NETO2: variants seen among roughly 807,000 people sequenced by gnomAD.
NETO2 encodes neuropilin and tolloid like 2, also known as neuropilin and tolloid-like protein 2.
A neutral mutation model predicts 62.5 loss-of-function variants in NETO2; 28 were observed. The observed-to-expected ratio is 0.45, with a 90% CI of 0.33 to 0.61. The LOEUF (loss-of-function observed/expected upper bound fraction) is 0.61. NETO2 is among the 20% of genes least tolerant of loss of function. The pLI is 0.02. For missense variants in NETO2, 548 were observed against 643.2 expected (o/e 0.85, Z 1.60); for synonymous variants, 214 against 219.1 (o/e 0.98, Z 0.21).
At chr16:47,104,876 C>G (rs150168023) in intron 7 of NETO2, among the ~76,000 whole-genome samples, 3 of 151,838 alleles carry the variant, frequency 2.0e-5, no homozygotes, top group Admixed American at 6.6e-5. Context: ...TGTGCCACCA[C>G]GCCTGGCTAA....
Position 47,128,438 on chromosome 16 carries a change from C to A in NETO2, c.368G>T (p.Gly123Val). 1.9e-6 allele frequency: 3 copies of A among 1,614,046 alleles called. No homozygotes were observed. Among genetic ancestry groups the A allele is most frequent in the Non-Finnish European group, 2.5e-6 (3 of 1,179,980 alleles). Reference protein sequence around the residue: ...GFSPLIDRYCGVKSPPLIRST... With the variant: ...GFSPLIDRYCVVKSPPLIRST... ...TCTAATTAATGGAGGGCTTTTCACGCCACAGTAACGATCTATAAGAGGAGA... is the reference window on the plus strand; with the variant it reads ...TCTAATTAATGGAGGGCTTTTCACGACACAGTAACGATCTATAAGAGGAGA... The change falls in exon 4 of 9, where the codon GGC becomes GTC. Residue 123 changes from glycine (G) to valine (V), a missense_variant. Transcript: ENST00000562435.
intron 7 of NETO2, among the ~76,000 whole-genome samples, chr16:47,100,016 A>C (rs1404176540): frequency 6.6e-6 from 1 of 152,240 alleles, no homozygotes; most frequent in Non-Finnish European, 1.5e-5. Context: ...CATTCTTCTC[A>C]GCACCACATA....
At chr16:47,131,538 T>C (rs1964266401) in intron 2 of NETO2, among the ~76,000 whole-genome samples, 1 of 152,096 alleles carries the variant, frequency 6.6e-6, no homozygotes, top group Non-Finnish European at 1.5e-5. Flanking sequence ...AATTCAGACA[T>C]AAAAATCTGG....
In NETO2 at chr16:47,128,514, A is replaced by G; in HGVS notation, c.292T>C (p.Phe98Leu). Residue 98 changes from phenylalanine (F) to leucine (L), a missense_variant, in exon 4 of 9, where the codon TTT becomes CTT. Physicochemically the swap from Phe to Leu is conservative, Grantham distance 22 (BLOSUM62 0). Transcript: ENST00000562435. ...FDEHYYIEPS[F>L]ECRFDHLEVR... ...TCCAAGTGATCAAACCGACACTCAAATGATGGTTCTATATAATAATGTTCA... is the reference window on the plus strand; with the variant it reads ...TCCAAGTGATCAAACCGACACTCAAGTGATGGTTCTATATAATAATGTTCA... The G allele has an allele frequency of 2.5e-6, 4 of 1,613,930 alleles. No homozygotes were observed. Among genetic ancestry groups the G allele is most frequent in the Non-Finnish European group, 3.4e-6 (4 of 1,179,930 alleles).
chr16:47,117,954 T>C (rs943109258), intron 6 of NETO2, among the ~76,000 whole-genome samples: 3 of 152,136 alleles, frequency 2.0e-5, no homozygotes, highest in Admixed American at 2.0e-4. Flanking sequence ...AAAAAAAGAT[T>C]TTTGGATAGT....
intron 7 of NETO2, among the ~76,000 whole-genome samples, chr16:47,103,787 A>G (rs2143872069): frequency 6.6e-6 from 1 of 152,328 alleles, no homozygotes; most frequent in African/African-American, 2.4e-5. Context: ...AAACTACATG[A>G]TGAACTCAAT....
chr16:47,119,046 G>T, intron 6 of NETO2, among the ~76,000 whole-genome samples: 1 of 150,674 alleles, frequency 6.6e-6, no homozygotes, highest in African/African-American at 2.4e-5. Flanking sequence ...TTCCTTTTTT[G>T]TTTGGCAGAT....
At chr16:47,110,446 A>G (rs1382003463) in intron 6 of NETO2, among the ~76,000 whole-genome samples, 1 of 152,238 alleles carries the variant, frequency 6.6e-6, no homozygotes, top group Non-Finnish European at 1.5e-5. Flanking sequence ...GATTTTAAGC[A>G]TTAATCTCCA....
chr16:47,116,688 G>A (rs1451795013), intron 6 of NETO2, among the ~76,000 whole-genome samples: 2 of 152,072 alleles, frequency 1.3e-5, no homozygotes, highest in African/African-American at 4.8e-5. Context: ...CTAAAGAATT[G>A]GCATTATATC....
At chr16:47,111,531 A>G (rs1166323338) in intron 6 of NETO2, among the ~76,000 whole-genome samples, 1 of 152,176 alleles carries the variant, frequency 6.6e-6, no homozygotes, top group East Asian at 1.9e-4. Flanking sequence ...GGCATAAACT[A>G]CTTTTCTTTT....
Position 47,078,263 on chromosome 16 carries a change from C to A in NETO2, c.*4958G>T, listed in dbSNP as rs1963011136. 6.6e-6 allele frequency: 1 copy of A among 152,202 alleles called. No homozygotes were observed. Among genetic ancestry groups the A allele is most frequent in the Admixed American group, 6.5e-5 (1 of 15,286 alleles). 9.4% of individuals were successfully genotyped at this position (152,202 alleles called of 1,614,324 possible). ...TACAGATTCTGTTGGTATAAGTGAT[C>A]TAAATTATTTGCCACTTCTAGACTT... On this transcript the variant is annotated 3_prime_UTR_variant, in exon 9 of 9. Coordinates refer to ENST00000562435, the MANE Select transcript of NETO2 (RefSeq NM_018092.5).
intron 7 of NETO2, among the ~76,000 whole-genome samples, chr16:47,088,135 C>T (rs886174071): frequency 1.3e-5 from 2 of 152,018 alleles, no homozygotes; most frequent in African/African-American, 2.4e-5. Flanking sequence ...GATGGAGTCT[C>T]GCTCTGTTGC....
rs1963105889 is a variant in NETO2, at chr16:47,083,225, A to G, written c.1574T>C (p.Phe525Ser). ...CACATCACCATTAGCAGAAGATTAG[A>G]AGTCAATGGATATGGATGCTTGTGC... is the stretch of plus-strand genomic sequence containing the variant. ...DSAQASISID[F>S] Residue 525 changes from phenylalanine (F) to serine (S), a missense_variant, in exon 9 of 9, where the codon TTC (phenylalanine) becomes TCC (serine). By Grantham distance (155) the Phe-to-Ser change is radical. Coordinates refer to ENST00000562435, the MANE Select transcript of NETO2 (RefSeq NM_018092.5). 6.2e-7 allele frequency: 1 copy of G among 1,605,796 alleles called. No homozygotes were observed. The highest frequency in any genetic ancestry group is 8.5e-7 in the Non-Finnish European group (1 of 1,175,116).
chr16:47,094,760 C>T (rs1415373416), intron 7 of NETO2, among the ~76,000 whole-genome samples: 2 of 152,024 alleles, frequency 1.3e-5, no homozygotes, highest in East Asian at 1.9e-4. Context: ...GCTCTGTCAC[C>T]CAGGCTGGAG....
At chr16:47,102,732 C>T (rs1258067515) in intron 7 of NETO2, among the ~76,000 whole-genome samples, 1 of 151,976 alleles carries the variant, frequency 6.6e-6, no homozygotes, top group Non-Finnish European at 1.5e-5. Context: ...CAAATCAAAA[C>T]CACAATGAGC....
At chr16:47,126,684 C>T (rs765973439) in intron 4 of NETO2, among the ~76,000 whole-genome samples, 5 of 152,168 alleles carry the variant, frequency 3.3e-5, no homozygotes, top group South Asian at 2.1e-4. Context: ...GCACCACTCT[C>T]GTGCAAGATG....
chr16:47,115,019 A>G (rs1329624010), intron 6 of NETO2, among the ~76,000 whole-genome samples: 2 of 151,998 alleles, frequency 1.3e-5, no homozygotes, highest in African/African-American at 4.8e-5. Flanking sequence ...TCTCCACTCA[A>G]TTTCCTTTGA....
At chr16:47,117,634 TCATA>T (rs1419718066) in intron 6 of NETO2, among the ~76,000 whole-genome samples, 3 of 152,208 alleles carry the variant, frequency 2.0e-5, no homozygotes, top group Non-Finnish European at 4.4e-5. Context: ...CCTATTGAGC[TCATA>T]CAGTGATTAT....
chr16:47,100,594 G>A (rs1384027753), intron 7 of NETO2, among the ~76,000 whole-genome samples: 2 of 151,900 alleles, frequency 1.3e-5, no homozygotes, highest in African/African-American at 4.8e-5. Flanking sequence ...GAATCAAATA[G>A]ACACAATAAA....
Sources: allele counts gnomAD v4.1 joint callset (sites outside exome capture counted in the v4.1 genomes callset), GRCh38; gene constraint gnomAD v4.1.1; transcripts MANE v1.5; gene names NCBI Gene and HGNC (gene_info 2026-07-23, HGNC 2026-07-21).